EIF3E: variants seen among roughly 807,000 people sequenced by gnomAD.
EIF3E encodes eukaryotic translation initiation factor 3 subunit E.
A neutral mutation model predicts 59.3 loss-of-function variants in EIF3E; 25 were observed. That is an observed-to-expected ratio of 0.42 (90% CI 0.31 to 0.59). The LOEUF (loss-of-function observed/expected upper bound fraction) is 0.59, where lower values mean the gene tolerates loss of function less well. Among genes scored for constraint, EIF3E ranks in the 20% least tolerant of loss-of-function variants. The probability of loss-of-function intolerance (pLI) is 0.15; values close to 1 mark genes in which losing one functional copy is unlikely to be tolerated. For missense variants in EIF3E, 317 were observed against 534.3 expected (o/e 0.59, Z 4.01); for synonymous variants, 176 against 170.2 (o/e 1.03, Z -0.26).
intron 5 of EIF3E, 200 bp from the exon 6 acceptor site, chr8:108,229,395 T>C (rs111576864): frequency 3.4e-5 from 15 of 442,454 alleles, no homozygotes; most frequent in African/African-American, 2.6e-4. Flanking sequence ...TCTTCAATAA[T>C]CAGTCTAGAT....
intron 1 of EIF3E, 86 bp from the exon 2 acceptor site, chr8:108,241,999 T>C: frequency 1.6e-6 from 2 of 1,215,876 alleles, no homozygotes; most frequent in Non-Finnish European, 2.3e-6. Context: ...CCTGGAAATA[T>C]ATTTCAAGAA....
chr8:108,240,786 C>T (rs563883461), intron 2 of EIF3E, among the ~76,000 whole-genome samples: 1 of 152,216 alleles, frequency 6.6e-6, no homozygotes, highest in African/African-American at 2.4e-5. Context: ...TCAAGACCAG[C>T]CTGGCCAATA....
intron 7 of EIF3E, among the ~76,000 whole-genome samples, chr8:108,220,697 G>A (rs1194478222): frequency 1.3e-5 from 2 of 152,200 alleles, no homozygotes; most frequent in African/African-American, 4.8e-5. Flanking sequence ...TCTCTCCCCA[G>A]ATCAACATGC....
chr8:108,228,749 T>C (rs1815567397), intron 6 of EIF3E, among the ~76,000 whole-genome samples: 2 of 152,180 alleles, frequency 1.3e-5, no homozygotes, highest in African/African-American at 2.4e-5. Flanking sequence ...ATGAAAACTG[T>C]CTTCTGCATA....
At chr8:108,204,039 T>G (rs1815044732) in intron 10 of EIF3E, among the ~76,000 whole-genome samples, 1 of 152,064 alleles carries the variant, frequency 6.6e-6, no homozygotes, top group African/African-American at 2.4e-5. Context: ...CAGAGATGAT[T>G]AAAAGTATAT....
chr8:108,204,326 A>G (rs959973355), intron 10 of EIF3E, among the ~76,000 whole-genome samples: 2 of 152,174 alleles, frequency 1.3e-5, no homozygotes, highest in Non-Finnish European at 2.9e-5. Flanking sequence ...ATGAGTGGAT[A>G]AAGTAAATCT....
Position 108,217,259 on chromosome 8 carries a change from C to CT in EIF3E, c.849+74dup, listed in dbSNP as rs967221825. On this transcript the variant is annotated intron_variant, in intron 8 of 12. Transcript: ENST00000220849. ...AACGTTTGTACCTTAAGAACTAAGT[C>CT]TTACCTTAGAAAAAGAGGTTAGACC... 66 of 1,208,120 alleles carry CT rather than the reference C, an allele frequency of 5.5e-5. No individual in the cohort carries two copies. In the African/African-American group the frequency reaches 8.5e-4, roughly 16 times the overall value. The allele number at this position is 1,208,120 out of a possible 1,614,324, so 74.8% of individuals were successfully genotyped here. A position where few individuals can be genotyped will look rare whatever the true frequency, so the allele number is the denominator to read the frequency against.
At chr8:108,206,390 G>C (rs1193584779) in intron 10 of EIF3E, among the ~76,000 whole-genome samples, 1 of 151,962 alleles carries the variant, frequency 6.6e-6, no homozygotes, top group African/African-American at 2.4e-5. Context: ...AATGCAAAAA[G>C]GTCTACCAGT....
intron 3 of EIF3E, among the ~76,000 whole-genome samples, chr8:108,237,984 C>T (rs1467877823): frequency 6.6e-6 from 1 of 152,174 alleles, no homozygotes; most frequent in African/African-American, 2.4e-5. Context: ...TTATCTCAAA[C>T]TCAGTACCTA....
At chr8:108,225,607 T>C (rs1815502641) in intron 7 of EIF3E, among the ~76,000 whole-genome samples, 1 of 151,630 alleles carries the variant, frequency 6.6e-6, no homozygotes, top group Admixed American at 6.5e-5. Flanking sequence ...TAAAAACTAT[T>C]TCTTGTTGAG....
intron 1 of EIF3E, chr8:108,242,321 T>C: frequency 7.8e-7 from 1 of 1,289,760 alleles, no homozygotes. Context: ...TCCTATATGC[T>C]TCTCCATCCA....
At chr8:108,218,629 A>G (rs539404078) in intron 7 of EIF3E, among the ~76,000 whole-genome samples, 9 of 152,334 alleles carry the variant, frequency 5.9e-5, no homozygotes, top group Non-Finnish European at 1.3e-4. Flanking sequence ...CTGAAAAATT[A>G]AGCTTGAGTT....
intron 2 of EIF3E, among the ~76,000 whole-genome samples, chr8:108,241,379 G>A (rs1322898244): frequency 1.3e-5 from 2 of 152,042 alleles, no homozygotes; most frequent in African/African-American, 4.8e-5. Context: ...GTGAACTGAT[G>A]ATGCTGGTCC....
chr8:108,230,436 T>C (rs1815600880), intron 5 of EIF3E, among the ~76,000 whole-genome samples: 2 of 152,290 alleles, frequency 1.3e-5, no homozygotes, highest in South Asian at 4.1e-4. Flanking sequence ...GAGATAGGTA[T>C]ACAGATTTAC....
At chr8:108,232,015 C>T (rs1815632537) in intron 5 of EIF3E, 1 of 151,522 alleles carries the variant, frequency 6.6e-6, no homozygotes. Flanking sequence ...TAATCAACCA[C>T]CAGAAAAGTA....
intron 7 of EIF3E, among the ~76,000 whole-genome samples, chr8:108,222,669 G>T (rs16877489): frequency 0.019 from 2,876 of 152,116 alleles, 101 homozygotes; most frequent in African/African-American, 0.066. Flanking sequence ...TATCTTCAAG[G>T]ACTGGATGCT....
chr8:108,228,388 C>T lies in EIF3E; in HGVS notation c.601G>A (p.Val201Met). ...TGAAGAGACTGAAGTGGAGAACTCACAGACTAAAGGATTTAAAAATATATA... is the reference window on the plus strand; with the variant it reads ...TGAAGAGACTGAAGTGGAGAACTCATAGACTAAAGGATTTAAAAATATATA... Reference protein sequence around the residue: ...RLKETIDNNSVSSPLQSLQQR... With the variant: ...RLKETIDNNSMSSPLQSLQQR... The change falls in exon 7 of 13, where the codon GTG becomes ATG. Residue 201 changes from valine (V) to methionine (M), a missense_variant. Coordinates refer to ENST00000220849, the MANE Select transcript of EIF3E (RefSeq NM_001568.3). 2 of 1,534,396 alleles carry T rather than the reference C, an allele frequency of 1.3e-6. No individual in the cohort carries two copies. The highest frequency in any genetic ancestry group is 1.4e-5 in the African/African-American group (1 of 71,642).
chr8:108,207,404 C>G (rs1302748079), intron 10 of EIF3E, among the ~76,000 whole-genome samples: 1 of 152,068 alleles, frequency 6.6e-6, no homozygotes, highest in Non-Finnish European at 1.5e-5. Flanking sequence ...AAAGGCTGTC[C>G]CTGGTGGTCT....
rs554750746 is a variant in EIF3E, at chr8:108,203,383, A to C, written c.1164+18T>G. On this transcript the variant is annotated intron_variant, in intron 11 of 12. Transcript: ENST00000220849. ...ATCAGGAACTGATAGTATGTAGCAT[A>C]GCTAACATAATACTCACTAATTTAG... 1.3e-6 allele frequency: 2 copies of C among 1,598,640 alleles called. No individual in the cohort carries two copies. The highest frequency in any genetic ancestry group is 1.7e-6 in the Non-Finnish European group (2 of 1,167,718).
Sources: gnomAD v4.1 joint callset for allele counts (sites outside exome capture counted in the v4.1 genomes callset) on GRCh38, gnomAD v4.1.1 for gene constraint, MANE v1.5 for transcripts, NCBI Gene and HGNC (gene_info 2026-07-23, HGNC 2026-07-21) for gene names.